ARHGEF3: variants seen among roughly 807,000 people sequenced by gnomAD.
ARHGEF3 encodes the protein 59.8 kDA protein.
A neutral mutation model predicts 63.2 loss-of-function variants in ARHGEF3; 28 were observed. The observed-to-expected ratio is 0.44, with a 90% CI of 0.33 to 0.61. ARHGEF3 has a LOEUF of 0.61. ARHGEF3 is among the 20% of genes least tolerant of loss of function. ARHGEF3 has a pLI of 0.03. For synonymous variants in ARHGEF3, 266 were observed against 254.2 expected (o/e 1.05, Z -0.44); for missense variants, 533 against 659.3 (o/e 0.81, Z 2.10).
chr3:57,017,326 A>G (rs1439870226), intron 2 of ARHGEF3, among the ~76,000 whole-genome samples: 1 of 152,098 alleles, frequency 6.6e-6, no homozygotes, highest in Non-Finnish European at 1.5e-5. Context: ...GGCCATGTAA[A>G]TGGCTGTTAC....
At chr3:56,734,325 G>C (rs2033449643) in intron 8 of ARHGEF3, among the ~76,000 whole-genome samples, 1 of 152,198 alleles carries the variant, frequency 6.6e-6, no homozygotes, top group Non-Finnish European at 1.5e-5. Flanking sequence ...TTAAAGGGGA[G>C]AGACCAGAAG....
chr3:56,742,754 T>C (rs1292447885), intron 7 of ARHGEF3, among the ~76,000 whole-genome samples: 1 of 152,234 alleles, frequency 6.6e-6, no homozygotes, highest in Non-Finnish European at 1.5e-5. Flanking sequence ...AGGTATACCA[T>C]GTTTCATGCA....
At chr3:56,745,753 G>A (rs185296395) in intron 6 of ARHGEF3, among the ~76,000 whole-genome samples, 71 of 151,882 alleles carry the variant, frequency 4.7e-4, no homozygotes, top group Non-Finnish European at 5.9e-5. Context: ...CTCACTGCAA[G>A]CTCCACCTCC....
At chr3:56,743,215 C>T (rs1471467223) in intron 7 of ARHGEF3, among the ~76,000 whole-genome samples, 2 of 152,206 alleles carry the variant, frequency 1.3e-5, no homozygotes, top group East Asian at 3.8e-4. Context: ...GTTGGGCCTG[C>T]CAGATACATT....
chr3:56,972,214 C>G (rs1380684065), intron 2 of ARHGEF3, among the ~76,000 whole-genome samples: 1 of 152,046 alleles, frequency 6.6e-6, no homozygotes, highest in Non-Finnish European at 1.5e-5. Context: ...GGTTCAAGCC[C>G]AAGTCCATCA....
intron 1 of ARHGEF3, chr3:57,074,161 G>C (rs1706093708): frequency 6.2e-7 from 1 of 1,614,194 alleles, no homozygotes; most frequent in East Asian, 2.2e-5. Context: ...GCCGAGCCCA[G>C]TAGCACAGGG....
At chr3:56,942,374 C>T (rs1180156997) in intron 3 of ARHGEF3, among the ~76,000 whole-genome samples, 6 of 152,274 alleles carry the variant, frequency 3.9e-5, no homozygotes, top group South Asian at 2.1e-4. Context: ...ATATCTGTTA[C>T]GGTGATGTCT....
At chr3:56,876,931 G>A (rs150513017) in intron 4 of ARHGEF3, among the ~76,000 whole-genome samples, 99 of 152,316 alleles carry the variant, frequency 6.5e-4, no homozygotes, top group African/African-American at 1.9e-3. Flanking sequence ...TCTTAGCAAG[G>A]GACTGGTCAT....
At position 56,896,295 on chromosome 3, in the gene ARHGEF3, C is replaced by T. The variant is rs558437632; in HGVS notation, c.130-13941G>A. 2.6e-5 allele frequency among the ~76,000 whole-genome samples: 4 copies of T among 152,276 alleles called. No individual in the cohort carries two copies. The East Asian group carries it at 7.7e-4, about 29-fold the overall frequency. On this transcript the variant is annotated intron_variant, in intron 3 of 12. Coordinates refer to the ARHGEF3 transcript ENST00000338458. ...TGCTCCCTCTCTCTCTCTTTCTATA[C>T]GTATGAATATAAAATATTTTTCTTC...
At chr3:56,932,455 C>A (rs1487393799) in intron 3 of ARHGEF3, among the ~76,000 whole-genome samples, 1 of 152,082 alleles carries the variant, frequency 6.6e-6, no homozygotes, top group Non-Finnish European at 1.5e-5. Flanking sequence ...TAAACATTTT[C>A]CCTGAATTAA....
intron 3 of ARHGEF3, chr3:56,916,357 C>A: frequency 5.2e-6 from 8 of 1,535,046 alleles, no homozygotes; most frequent in Non-Finnish European, 3.5e-6. Flanking sequence ...GCTCTGACCT[C>A]ATCCACCCGG....
intron 2 of ARHGEF3, among the ~76,000 whole-genome samples, chr3:57,014,304 T>A (rs1439942402): frequency 3.9e-5 from 6 of 152,130 alleles, no homozygotes; most frequent in Non-Finnish European, 8.8e-5. Flanking sequence ...ATTCTTGAAG[T>A]CAGTGAGATC....
chr3:56,904,686 G>A (rs1383575124), intron 3 of ARHGEF3, among the ~76,000 whole-genome samples: 1 of 152,006 alleles, frequency 6.6e-6, no homozygotes, highest in Non-Finnish European at 1.5e-5. Flanking sequence ...TTATTTGGTC[G>A]ACACATACAG....
chr3:56,943,358 G>A (rs1560070167), intron 3 of ARHGEF3, among the ~76,000 whole-genome samples: 1 of 152,136 alleles, frequency 6.6e-6, no homozygotes, highest in Non-Finnish European at 1.5e-5. Flanking sequence ...TCTATAAAGG[G>A]AACAACAAAG....
At chr3:56,774,504 A>G (rs752425181) in intron 1 of ARHGEF3, among the ~76,000 whole-genome samples, 4 of 152,218 alleles carry the variant, frequency 2.6e-5, no homozygotes, top group Admixed American at 6.5e-5. Context: ...TCACCTCCAC[A>G]TAAAACATTA....
intron 4 of ARHGEF3, among the ~76,000 whole-genome samples, chr3:56,876,132 G>T (rs1198517883): frequency 6.6e-6 from 1 of 152,176 alleles, no homozygotes. Flanking sequence ...GGGACAAGAT[G>T]GAGCATGAGG....
chr3:56,955,370 G>T (rs531191038), intron 3 of ARHGEF3, among the ~76,000 whole-genome samples: 1 of 151,642 alleles, frequency 6.6e-6, no homozygotes, highest in African/African-American at 2.4e-5. Context: ...TAATTTTGGG[G>T]TTTGTTTCTG....
intron 2 of ARHGEF3, among the ~76,000 whole-genome samples, chr3:56,759,599 A>G (rs927067404): frequency 4.6e-5 from 7 of 152,178 alleles, no homozygotes; most frequent in Non-Finnish European, 7.3e-5. Context: ...TGGTGCAACC[A>G]TATCTCACTG....
chr3:56,924,223 C>A (rs1305332229), intron 3 of ARHGEF3, among the ~76,000 whole-genome samples: 1 of 152,196 alleles, frequency 6.6e-6, no homozygotes, highest in Non-Finnish European at 1.5e-5. Flanking sequence ...AAAAATAGTT[C>A]CTAGCCTCTC....
Sources: allele counts gnomAD v4.1 joint callset (sites outside exome capture counted in the v4.1 genomes callset), GRCh38; gene constraint gnomAD v4.1.1; transcripts MANE v1.5; gene names NCBI Gene and HGNC (gene_info 2026-07-23, HGNC 2026-07-21).